The following LIPI variants were observed in gnomAD, a reference collection of about 807,000 sequenced individuals.
The protein encoded by LIPI is lipase member I.
Under a neutral mutation model 50.6 loss-of-function variants are expected in LIPI, and 59 were observed. The observed-to-expected ratio is 1.16, with a 90% CI of 0.94 to 1.45. LIPI has a LOEUF of 1.45. Among genes scored for constraint, LIPI ranks in the 40% most tolerant of loss-of-function variants. The pLI is 0.00. For missense variants in LIPI, 586 were observed against 536.3 expected (o/e 1.09, Z -0.92); for synonymous variants, 203 against 178.2 (o/e 1.14, Z -1.11).
At chr21:14,109,415 TC>T (rs1046785968) in intron 9 of LIPI, among the ~76,000 whole-genome samples, 2 of 152,124 alleles carry the variant, frequency 1.3e-5, no homozygotes, top group African/African-American at 4.8e-5. Flanking sequence ...ATTCCTTCCA[TC>T]ATGATGGTCA....
intron 8 of LIPI, among the ~76,000 whole-genome samples, chr21:14,147,305 T>A (rs2017942089): frequency 6.6e-6 from 1 of 152,176 alleles, no homozygotes; most frequent in African/African-American, 2.4e-5. Flanking sequence ...CATTATGATT[T>A]ATGTCAAGAC....
At chr21:14,162,264 C>T (rs773359823) in intron 7 of LIPI, among the ~76,000 whole-genome samples, 2 of 151,356 alleles carry the variant, frequency 1.3e-5, no homozygotes, top group African/African-American at 2.4e-5. Context: ...CTTTATATAA[C>T]AATCTTGAAA....
At chr21:14,124,939 G>A (rs567379022) in intron 9 of LIPI, among the ~76,000 whole-genome samples, 69 of 152,070 alleles carry the variant, frequency 4.5e-4, no homozygotes, top group African/African-American at 1.4e-3. Flanking sequence ...AGGTTGCGGT[G>A]AGCCAAGATC....
intron 9 of LIPI, chr21:14,143,923 G>C (rs1462146227): frequency 6.4e-6 from 1 of 156,678 alleles, no homozygotes; most frequent in Non-Finnish European, 1.4e-5. Flanking sequence ...TCAAGAAAAT[G>C]GTGCCCAGAC....
intron 8 of LIPI, among the ~76,000 whole-genome samples, chr21:14,149,432 TCCA>T (rs2018011779): frequency 6.6e-6 from 1 of 152,042 alleles, no homozygotes; most frequent in Non-Finnish European, 1.5e-5. Flanking sequence ...ACCAAATCAT[TCCA>T]CCCCTGGCCT....
chr21:14,110,683 A>G (rs1010144601), intron 9 of LIPI, among the ~76,000 whole-genome samples: 1 of 151,700 alleles, frequency 6.6e-6, no homozygotes, highest in Non-Finnish European at 1.5e-5. Flanking sequence ...CTCTGCTTCT[A>G]TGAGATCAAC....
intron 4 of LIPI, among the ~76,000 whole-genome samples, chr21:14,171,782 A>G (rs1057406756): frequency 7.2e-5 from 11 of 151,928 alleles, no homozygotes; most frequent in Admixed American, 3.9e-4. Flanking sequence ...AACCTAGGCA[A>G]TACCATTCAG....
intron 4 of LIPI, among the ~76,000 whole-genome samples, chr21:14,171,303 T>C (rs1179600899): frequency 2.8e-5 from 4 of 143,804 alleles, no homozygotes; most frequent in African/African-American, 1.0e-4. Flanking sequence ...AGGTAATTTA[T>C]AGATTCAATG....
intron 7 of LIPI, among the ~76,000 whole-genome samples, chr21:14,161,618 A>AT (rs1361481426): frequency 9.2e-6 from 1 of 109,208 alleles, no homozygotes; most frequent in African/African-American, 3.9e-5. Context: ...TAATATACAT[A>AT]TATAATATAT....
chr21:14,137,965 C>T (rs2017565271), intron 9 of LIPI, among the ~76,000 whole-genome samples: 1 of 151,990 alleles, frequency 6.6e-6, no homozygotes, highest in South Asian at 2.1e-4. Flanking sequence ...ATTTAAAGTG[C>T]TGAAGGAAAA....
chr21:14,184,532 T>A (rs1162493461), intron 3 of LIPI, among the ~76,000 whole-genome samples: 1 of 152,044 alleles, frequency 6.6e-6, no homozygotes, highest in African/African-American at 2.4e-5. Context: ...AGAAAAAAAG[T>A]AAAATATAAT....
chr21:14,130,080 A>G (rs1477414452), intron 9 of LIPI, among the ~76,000 whole-genome samples: 3 of 152,108 alleles, frequency 2.0e-5, no homozygotes, highest in Non-Finnish European at 4.4e-5. Flanking sequence ...GTAAAATTGT[A>G]AAGTTAGTTT....
intron 9 of LIPI, among the ~76,000 whole-genome samples, chr21:14,142,730 C>T (rs765669773): frequency 6.6e-5 from 10 of 151,788 alleles, no homozygotes; most frequent in Non-Finnish European, 8.8e-5. Context: ...GTGATCCTCC[C>T]GACTTGGCCT....
At chr21:14,128,951 A>G (rs1473512162) in intron 9 of LIPI, among the ~76,000 whole-genome samples, 1 of 152,102 alleles carries the variant, frequency 6.6e-6, no homozygotes, top group Non-Finnish European at 1.5e-5. Flanking sequence ...GTGAATAAAG[A>G]GTTTGAACAA....
At chr21:14,202,072 C>G (rs746665834) in intron 1 of LIPI, among the ~76,000 whole-genome samples, 10 of 151,876 alleles carry the variant, frequency 6.6e-5, no homozygotes, top group Non-Finnish European at 1.5e-5. Context: ...ATCATGAACT[C>G]CCATTCACAA....
intron 1 of LIPI, among the ~76,000 whole-genome samples, chr21:14,210,516 CTATT>C (rs1344586484): frequency 4.6e-5 from 7 of 151,930 alleles, no homozygotes; most frequent in African/African-American, 1.7e-4. Flanking sequence ...TTGAGTATTT[CTATT>C]TATTCTCTAG....
At chr21:14,132,375 A>G (rs2017330119) in intron 9 of LIPI, among the ~76,000 whole-genome samples, 1 of 152,160 alleles carries the variant, frequency 6.6e-6, no homozygotes, top group Non-Finnish European at 1.5e-5. Flanking sequence ...TTTAGCAGAA[A>G]CCTTATGAGC....
chr21:14,160,831 G>A (rs561894160), intron 7 of LIPI, among the ~76,000 whole-genome samples: 1 of 150,994 alleles, frequency 6.6e-6, no homozygotes, highest in Non-Finnish European at 1.5e-5. Flanking sequence ...ATATCCAAAA[G>A]ACACGAATAC....
At chr21:14,127,649 G>A (rs1487873896) in intron 9 of LIPI, among the ~76,000 whole-genome samples, 3 of 152,034 alleles carry the variant, frequency 2.0e-5, no homozygotes, top group Non-Finnish European at 1.5e-5. Flanking sequence ...TGATTAAGAA[G>A]ACAGTGAGAT....
Sources: allele counts gnomAD v4.1 joint callset (sites outside exome capture counted in the v4.1 genomes callset), GRCh38; gene constraint gnomAD v4.1.1; transcripts MANE v1.5; gene names NCBI Gene and HGNC (gene_info 2026-07-23, HGNC 2026-07-21).